Variants in TTLL5 observed in about 807,000 individuals in gnomAD.
TTLL5 encodes tubulin tyrosine ligase like 5.
Under a neutral mutation model 168.4 loss-of-function variants are expected in TTLL5, and 132 were observed. The observed-to-expected ratio is 0.78, with a 90% CI of 0.68 to 0.91. The LOEUF is 0.91. TTLL5 is among the 40% of genes least tolerant of loss of function. The pLI, the probability that TTLL5 is intolerant of heterozygous loss-of-function variation, is 0.00. For synonymous variants in TTLL5, 546 were observed against 558.6 expected, an observed-to-expected ratio of 0.98 and a Z score of 0.32; for missense variants, 1,545 against 1,581.5, an observed-to-expected ratio of 0.98 and a Z score of 0.39.
At chr14:75,842,323 A>C (rs949126796) in intron 28 of TTLL5, among the ~76,000 whole-genome samples, 10 of 152,132 alleles carry the variant, frequency 6.6e-5, no homozygotes, top group African/African-American at 1.7e-4. Context: ...CTGATGATGA[A>C]ATGAGGAGTG....
intron 31 of TTLL5, among the ~76,000 whole-genome samples, chr14:75,913,334 A>G (rs534951032): frequency 6.6e-6 from 1 of 152,202 alleles, no homozygotes; most frequent in African/African-American, 2.4e-5. Flanking sequence ...TCTCCTGTCC[A>G]GCCCTACCCT....
intron 30 of TTLL5, among the ~76,000 whole-genome samples, chr14:75,897,316 G>C (rs146278345): frequency 6.6e-6 from 1 of 152,292 alleles, no homozygotes; most frequent in African/African-American, 2.4e-5. Flanking sequence ...AAGAGATTTT[G>C]CCTTCATAGA....
intron 6 of TTLL5, among the ~76,000 whole-genome samples, chr14:75,695,437 C>T (rs1885768061): frequency 6.6e-6 from 1 of 152,184 alleles, no homozygotes; most frequent in Admixed American, 6.5e-5. Flanking sequence ...CACTCTGCCC[C>T]CATTTGCCTT....
chr14:75,709,678 CTA>C, intron 9 of TTLL5: 1 of 158,664 alleles, frequency 6.3e-6, no homozygotes, highest in Non-Finnish European at 1.4e-5. Flanking sequence ...TGAAGTATCA[CTA>C]TACAAAATTA....
chr14:75,806,793 A>G (rs1893683756), intron 27 of TTLL5, among the ~76,000 whole-genome samples: 1 of 152,194 alleles, frequency 6.6e-6, no homozygotes, highest in South Asian at 2.1e-4. Context: ...ACTACAAGGT[A>G]ATTCATTGAG....
intron 29 of TTLL5, among the ~76,000 whole-genome samples, chr14:75,880,992 C>T (rs1412584304): frequency 2.6e-5 from 4 of 152,184 alleles, no homozygotes; most frequent in African/African-American, 9.6e-5. Context: ...TCACCCTTTG[C>T]AACCTTCACC....
intron 9 of TTLL5, among the ~76,000 whole-genome samples, chr14:75,717,653 T>C (rs1887561515): frequency 6.6e-6 from 1 of 152,234 alleles, no homozygotes; most frequent in East Asian, 1.9e-4. Context: ...TTGGATACGA[T>C]ATTATCTACT....
At chr14:75,669,282 T>A (rs566806398) in intron 2 of TTLL5, 134 bp from the exon 3 acceptor site, 9 of 766,206 alleles carry the variant, frequency 1.2e-5, no homozygotes, top group Non-Finnish European at 1.9e-5. Flanking sequence ...GAGATGTGAT[T>A]TCCCACAGGA....
intron 26 of TTLL5, among the ~76,000 whole-genome samples, chr14:75,783,834 G>A (rs1892204916): frequency 6.6e-6 from 1 of 152,178 alleles, no homozygotes; most frequent in Non-Finnish European, 1.5e-5. Context: ...AACCATCTAT[G>A]AGTGTGCTAT....
chr14:75,852,224 G>A (rs1399474580), intron 28 of TTLL5, among the ~76,000 whole-genome samples: 1 of 152,114 alleles, frequency 6.6e-6, no homozygotes, highest in Non-Finnish European at 1.5e-5. Flanking sequence ...GCAGACCCGT[G>A]GTGTGGACCC....
At chr14:75,829,910 G>A (rs1466296164) in intron 28 of TTLL5, among the ~76,000 whole-genome samples, 1 of 152,164 alleles carries the variant, frequency 6.6e-6, no homozygotes, top group African/African-American at 2.4e-5. Context: ...CCGTAAAGGA[G>A]ATTTTTTAGT....
intron 30 of TTLL5, chr14:75,886,782 A>T (rs776058157): frequency 5.6e-6 from 9 of 1,595,024 alleles, no homozygotes; most frequent in Non-Finnish European, 1.7e-6. Context: ...CAGCCTACAA[A>T]CAACTACATG....
chr14:75,765,102 G>C (rs1594994872), intron 19 of TTLL5, among the ~76,000 whole-genome samples: 1 of 152,224 alleles, frequency 6.6e-6, no homozygotes, highest in East Asian at 1.9e-4. Context: ...TTTATAATTA[G>C]GTAAGTTCAG....
chr14:75,856,625 C>CTTT (rs35004666), intron 28 of TTLL5, among the ~76,000 whole-genome samples: 2 of 97,236 alleles, frequency 2.1e-5, no homozygotes, highest in African/African-American at 3.8e-5. Flanking sequence ...AGTTGTATTG[C>CTTT]TTTTTTTTTT....
intron 6 of TTLL5, among the ~76,000 whole-genome samples, chr14:75,694,703 G>A (rs575742559): frequency 6.6e-6 from 1 of 152,336 alleles, no homozygotes; most frequent in South Asian, 2.1e-4. Flanking sequence ...AACATAAATT[G>A]TGAAGATTTC....
intron 30 of TTLL5, among the ~76,000 whole-genome samples, chr14:75,891,975 T>C (rs2032425124): frequency 6.6e-6 from 1 of 152,250 alleles, no homozygotes; most frequent in African/African-American, 2.4e-5. Flanking sequence ...ATTCTGCAGC[T>C]GCTCTTGTTT....
intron 27 of TTLL5, among the ~76,000 whole-genome samples, chr14:75,796,267 G>A (rs1892991369): frequency 6.6e-6 from 1 of 151,806 alleles, no homozygotes; most frequent in African/African-American, 2.4e-5. Flanking sequence ...TAGCCTTTTT[G>A]ATGGAATTAT....
Position 75,707,639 on chromosome 14 carries a change from G to T in TTLL5, c.672G>T (p.Val224=). 1 of 1,610,728 alleles carries T rather than the reference G, an allele frequency of 6.2e-7. No individual in the cohort carries two copies. Among genetic ancestry groups the T allele is most frequent in the Non-Finnish European group, 8.5e-7 (1 of 1,178,716 alleles). Reference sequence around the variant, plus strand: ...TTTTTTTAGATTTCAAGTTTGACGTGCGCCTCTATGTGCTCGTGACTTCCT... The same window carrying T: ...TTTTTTTAGATTTCAAGTTTGACGTTCGCCTCTATGTGCTCGTGACTTCCT... ...PLLIDDFKFD[V]RLYVLVTSYD... is the part of the protein sequence containing the mutation. Residue 224 remains valine (V), a synonymous_variant, in exon 9 of 32, where the codon GTG becomes GTT. Transcript: ENST00000298832.
At chr14:75,947,384 G>A (rs138106645) in intron 31 of TTLL5, among the ~76,000 whole-genome samples, 2 of 152,102 alleles carry the variant, frequency 1.3e-5, no homozygotes, top group African/African-American at 4.8e-5. Flanking sequence ...AGGCAAAAAA[G>A]CATAACAAGA....
Sources: gnomAD v4.1 joint callset for allele counts (sites outside exome capture counted in the v4.1 genomes callset) on GRCh38, gnomAD v4.1.1 for gene constraint, MANE v1.5 for transcripts, NCBI Gene and HGNC (gene_info 2026-07-23, HGNC 2026-07-21) for gene names.